Variants in APP observed in about 807,000 individuals in gnomAD.
APP encodes the protein amyloid-beta precursor protein.
In APP, 31 loss-of-function variants were observed where a neutral mutation model predicts 101.4. The ratio of observed to expected loss-of-function variants is 0.31; its 90% CI spans 0.23 to 0.41. The LOEUF (loss-of-function observed/expected upper bound fraction) is 0.41, where lower values mean the gene tolerates loss of function less well. Among genes scored for constraint, APP ranks in the 10% least tolerant of loss-of-function variants. The probability of loss-of-function intolerance (pLI) is 1.00; values close to 1 mark genes in which losing one functional copy is unlikely to be tolerated. For synonymous variants in APP, 366 were observed against 364.4 expected, an observed-to-expected ratio of 1.00 and a Z score of -0.05; for missense variants, 839 against 1,003.7, an observed-to-expected ratio of 0.84 and a Z score of 2.22.
At chr21:26,144,923 T>G (rs2063124188) in intron 1 of APP, among the ~76,000 whole-genome samples, 1 of 152,212 alleles carries the variant, frequency 6.6e-6, no homozygotes, top group Middle Eastern at 3.2e-3. Flanking sequence ...CAAGTTTTGA[T>G]ATAAGAATCA....
At chr21:25,952,752 A>C (rs2041145958) in intron 13 of APP, among the ~76,000 whole-genome samples, 1 of 152,090 alleles carries the variant, frequency 6.6e-6, no homozygotes, top group Non-Finnish European at 1.5e-5. Flanking sequence ...AAAAACAAAC[A>C]AACAAACAAA....
chr21:26,121,253 AAT>A (rs1244156404), intron 1 of APP, among the ~76,000 whole-genome samples: 2 of 152,210 alleles, frequency 1.3e-5, no homozygotes, highest in Admixed American at 1.3e-4. Flanking sequence ...ATTGCCCTGA[AAT>A]AGAGTATCCC....
At chr21:26,154,618 C>T (rs996432741) in intron 1 of APP, among the ~76,000 whole-genome samples, 2 of 152,164 alleles carry the variant, frequency 1.3e-5, no homozygotes, top group African/African-American at 2.4e-5. Context: ...AACAACCTAA[C>T]GTTAGTACCT....
chr21:25,916,175 T>C (rs150830393), intron 13 of APP, among the ~76,000 whole-genome samples: 1 of 152,216 alleles, frequency 6.6e-6, no homozygotes, highest in Non-Finnish European at 1.5e-5. Flanking sequence ...ATAGTTTTTA[T>C]GTTTTTAGTA....
intron 1 of APP, among the ~76,000 whole-genome samples, chr21:26,112,408 C>A (rs968347891): frequency 3.3e-5 from 5 of 152,162 alleles, no homozygotes; most frequent in Non-Finnish European, 7.3e-5. Flanking sequence ...GAAAAATTTA[C>A]ACGTTTTCCC....
intron 13 of APP, among the ~76,000 whole-genome samples, chr21:25,948,346 A>C (rs2040921791): frequency 6.6e-6 from 1 of 152,174 alleles, no homozygotes; most frequent in African/African-American, 2.4e-5. Flanking sequence ...GAATATGGAA[A>C]CACTGTCTTT....
rs760462028 is a variant in APP, at chr21:25,891,720, A to C, written c.2211+2T>G. 6.2e-7 allele frequency: 1 copy of C among 1,614,040 alleles called. No individual in the cohort carries two copies. Among genetic ancestry groups the C allele is most frequent in the Non-Finnish European group, 8.5e-7 (1 of 1,179,948 alleles). On this transcript the variant is annotated splice_donor_variant, in intron 17 of 17. Transcript: ENST00000346798. LOFTEE classifies it high-confidence loss of function. ...TGGAAACATGCAGTCAAGTTTACCT[A>C]CCTCCACCACACCATGATGAATGGA...
intron 4 of APP, among the ~76,000 whole-genome samples, chr21:26,052,501 G>A (rs534221650): frequency 6.6e-6 from 1 of 152,166 alleles, no homozygotes; most frequent in Admixed American, 6.5e-5. Flanking sequence ...ACCTATCAAG[G>A]GGACACAGCA....
At chr21:25,950,272 C>T (rs201905911) in intron 13 of APP, among the ~76,000 whole-genome samples, 319 of 152,186 alleles carry the variant, frequency 2.1e-3, no homozygotes, top group African/African-American at 7.3e-3. Context: ...CTCTTTTCTC[C>T]GTTCTCTATG....
At chr21:25,973,977 A>C (rs973345383) in intron 11 of APP, among the ~76,000 whole-genome samples, 5 of 148,916 alleles carry the variant, frequency 3.4e-5, no homozygotes, top group Non-Finnish European at 7.4e-5. Flanking sequence ...ACAAGTGGAC[A>C]TAAGTTACAC....
At chr21:26,051,260 A>G in intron 4 of APP, 67 bp from the exon 5 acceptor site, 1 of 1,463,962 alleles carries the variant, frequency 6.8e-7, no homozygotes, top group Non-Finnish European at 9.4e-7. Flanking sequence ...AAAACTCCAC[A>G]TAAAATAATC....
At chr21:26,156,000 C>CAA (rs757330872) in intron 1 of APP, among the ~76,000 whole-genome samples, 3,032 of 89,944 alleles carry the variant, frequency 0.034, 121 homozygotes, top group African/African-American at 0.11. Flanking sequence ...GACTTCGTCT[C>CAA]AAAAAAAAAA....
chr21:26,054,625 T>TTG (rs1568917363), intron 3 of APP, among the ~76,000 whole-genome samples: 2 of 107,100 alleles, frequency 1.9e-5, no homozygotes, highest in African/African-American at 7.4e-5. Context: ...CAAAAGTTTT[T>TTG]TTTTTTTTTT....
In APP at chr21:25,891,795, G is replaced by A. The variant is rs1800557; in HGVS notation, c.2138C>T (p.Ala713Val). The change falls in exon 17 of 18, where the codon GCG becomes GTG. Residue 713 changes from alanine (A) to valine (V), a missense_variant. Transcript: ENST00000346798. The stretch of plus-strand genomic sequence containing the variant: ...CACCAAGGTGATGACGATCACTGTC[G>A]CTATGACAACACCGCCCACCATGAG... The part of the protein sequence containing the change: ...IGLMVGGVVI[A>V]TVIVITLVML... The A allele has an allele frequency of 5.3e-5, 85 of 1,613,762 alleles. No homozygotes were observed. The highest frequency in any genetic ancestry group is 6.4e-5 in the Non-Finnish European group (75 of 1,179,914).
intron 1 of APP, among the ~76,000 whole-genome samples, chr21:26,134,079 T>C (rs2062848426): frequency 6.6e-6 from 1 of 152,184 alleles, no homozygotes; most frequent in African/African-American, 2.4e-5. Flanking sequence ...GTTTGCCTCC[T>C]GGACTCAAGC....
chr21:26,066,793 A>G (rs1247340309), intron 3 of APP, among the ~76,000 whole-genome samples: 2 of 152,184 alleles, frequency 1.3e-5, no homozygotes, highest in African/African-American at 4.8e-5. Context: ...TTAATTATAG[A>G]AGTTACAAAA....
intron 5 of APP, among the ~76,000 whole-genome samples, chr21:26,044,979 C>T (rs1486095870): frequency 2.0e-5 from 3 of 152,180 alleles, no homozygotes; most frequent in African/African-American, 4.8e-5. Flanking sequence ...GTATTCCTTG[C>T]CATTTTATGA....
chr21:26,095,418 G>A (rs1017441038), intron 2 of APP, among the ~76,000 whole-genome samples: 3 of 152,196 alleles, frequency 2.0e-5, no homozygotes, highest in African/African-American at 4.8e-5. Context: ...TCATCACAGC[G>A]CTTGTGTTCA....
chr21:25,938,619 GTA>G (rs112221601), intron 13 of APP, among the ~76,000 whole-genome samples: 38 of 138,198 alleles, frequency 2.7e-4, no homozygotes, highest in African/African-American at 1.3e-3. Context: ...CCAAGAATCT[GTA>G]TTTTTAACTA....
Sources: allele counts gnomAD v4.1 joint callset (sites outside exome capture counted in the v4.1 genomes callset), GRCh38; gene constraint gnomAD v4.1.1; transcripts MANE v1.5; gene names NCBI Gene and HGNC (gene_info 2026-07-23, HGNC 2026-07-21).